TMEM132A: variants seen among roughly 807,000 people sequenced by gnomAD.
TMEM132A encodes transmembrane protein 132A, also known as GRP78-binding protein.
TMEM132A carries 48 observed loss-of-function variants against 69.9 expected under a neutral mutation model. The observed-to-expected ratio is 0.69, with a 90% CI of 0.55 to 0.87. TMEM132A has a LOEUF of 0.87. Among genes scored for constraint, TMEM132A ranks in the 40% least tolerant of loss-of-function variants. The pLI, the probability that TMEM132A is intolerant of heterozygous loss-of-function variation, is 0.00. For missense variants in TMEM132A, 1,287 were observed against 1,407.2 expected, an observed-to-expected ratio of 0.91 and a Z score of 1.37; for synonymous variants, 577 against 613.7, an observed-to-expected ratio of 0.94 and a Z score of 0.88.
In TMEM132A at chr11:60,936,886, G is replaced by A. The variant is rs1459209102; in HGVS notation, c.3051G>A (p.Glu1017=). ...CTGAGGAGCTTCGCAACTACATGGAGAGGATCCGGGGCAGCTCCTGACCCT... is the reference window on the plus strand; with the variant it reads ...CTGAGGAGCTTCGCAACTACATGGAAAGGATCCGGGGCAGCTCCTGACCCT... ...KDPEELRNYM[E]RIRGSS is the part of the protein sequence containing the mutation. The change falls in exon 11 of 11, where the codon GAG becomes GAA. Residue 1017 remains glutamate (E), a synonymous_variant. Coordinates refer to ENST00000453848, the MANE Select transcript of TMEM132A (RefSeq NM_178031.3). The A allele has an allele frequency of 6.4e-7, 1 of 1,564,174 alleles. No individual in the cohort carries two copies. The highest frequency in any genetic ancestry group is 1.4e-5 in the African/African-American group (1 of 73,194).
At position 60,936,467 on chromosome 11, in the gene TMEM132A, A is replaced by G; in HGVS notation, c.2632A>G (p.Lys878Glu). 1 of 1,614,160 alleles carries G rather than the reference A, an allele frequency of 6.2e-7. No individual in the cohort carries two copies. The highest frequency in any genetic ancestry group is 8.5e-7 in the Non-Finnish European group (1 of 1,179,994). The change falls in exon 11 of 11, where the codon AAA becomes GAA. Residue 878 changes from lysine to glutamate, a missense_variant. Lys to Glu is a moderately conservative substitution (Grantham distance 56). Transcript: ENST00000453848. ...GVVFVLRYQR[K>E]EPPDSATDPT... ...GGTCTTCGTCCTGCGCTATCAGCGC[A>G]AAGAACCTCCCGACAGTGCCACTGA...
At chr11:60,933,778 G>A (rs1304396685) in intron 8 of TMEM132A, 34 bp downstream of exon 8, 1 of 1,534,066 alleles carries the variant, frequency 6.5e-7, no homozygotes, top group Non-Finnish European at 8.8e-7. Context: ...GGCAGGCCTT[G>A]GCGAGTCACA....
At chr11:60,929,908 A>G (rs535626634) in intron 4 of TMEM132A, among the ~76,000 whole-genome samples, 1 of 141,172 alleles carries the variant, frequency 7.1e-6, no homozygotes, top group East Asian at 2.1e-4. Context: ...AAGGGGCCCC[A>G]GTGGTAGGGA....
Position 60,928,794 on chromosome 11 carries a change from G to A in TMEM132A, c.700G>A (p.Val234Met). ...CGACCCTGGGGAGCAGGCCCTCCCA[G>A]TGGGGGGTGTGGAGCTGCGCCCAGC... ...ENDPGEQALP[V>M]GGVELRPADP... Residue 234 changes from valine to methionine, a missense_variant, in exon 4 of 11, where the codon GTG (valine) becomes ATG (methionine). Physicochemically the swap from Val to Met is conservative, Grantham distance 21. Transcript: ENST00000453848. 1 of 1,610,734 alleles carries A rather than the reference G, an allele frequency of 6.2e-7. No homozygotes were observed. Among genetic ancestry groups the A allele is most frequent in the Non-Finnish European group, 8.5e-7 (1 of 1,179,258 alleles).
intron 1 of TMEM132A, 27 bp downstream of exon 1, chr11:60,924,760 AG>A: frequency 6.8e-7 from 1 of 1,471,438 alleles, no homozygotes; most frequent in Non-Finnish European, 9.0e-7. Context: ...GGCCGGGGCG[AG>A]GGGCGGCCGG....
At position 60,924,681 on chromosome 11, in the gene TMEM132A, C is replaced by T; in HGVS notation, c.48C>T (p.Pro16=). 1 of 1,592,832 alleles carries T rather than the reference C, an allele frequency of 6.3e-7. No homozygotes were observed. Among genetic ancestry groups the T allele is most frequent in the Non-Finnish European group, 8.5e-7 (1 of 1,176,088 alleles). ...AGRTTAAPRG[P]YGPWLCLLVA... is the part of the protein sequence containing the mutation. ...GCACAACAGCGGCCCCTCGGGGGCC[C>T]TACGGCCCCTGGCTCTGCCTCCTGG... is the stretch of plus-strand genomic sequence containing the variant. Residue 16 remains proline (P), a synonymous_variant, in exon 1 of 11, where the codon CCC becomes CCT. Coordinates refer to ENST00000453848, the MANE Select transcript of TMEM132A (RefSeq NM_178031.3).
chr11:60,934,813 G>A, intron 9 of TMEM132A, 49 bp downstream of exon 9: 1 of 1,532,176 alleles, frequency 6.5e-7, no homozygotes, highest in South Asian at 1.2e-5. Flanking sequence ...AGGGTGGAGG[G>A]GCCCCCAAAA....
Position 60,936,631 on chromosome 11 carries a change from G to A in TMEM132A, c.2796G>A (p.Glu932=). ...SCPCESGGGG[E]APTLAPGPPG... ...CCTGTGAGAGTGGGGGAGGAGGGGA[G>A]GCCCCTACCCTGGCCCCTGGCCCTC... The change falls in exon 11 of 11, where the codon GAG becomes GAA. Residue 932 remains glutamate, a synonymous_variant. Coordinates refer to ENST00000453848, the MANE Select transcript of TMEM132A (RefSeq NM_178031.3). 1 of 1,569,390 alleles carries A rather than the reference G, an allele frequency of 6.4e-7. No homozygotes were observed. Among genetic ancestry groups the A allele is most frequent in the Non-Finnish European group, 8.6e-7 (1 of 1,157,750 alleles).
intron 8 of TMEM132A, chr11:60,934,196 C>T (rs1856540635): frequency 5.1e-6 from 2 of 389,010 alleles, no homozygotes; most frequent in African/African-American, 2.1e-5. Flanking sequence ...GCTTCCAGGC[C>T]CTTCAGAGAG....
rs1416277971 is a variant in TMEM132A, at chr11:60,933,676, G to C, written c.1491G>C (p.Leu497=). The change falls in exon 8 of 11, where the codon CTG becomes CTC. Residue 497 remains leucine (L), a synonymous_variant. Coordinates refer to ENST00000453848, the MANE Select transcript of TMEM132A (RefSeq NM_178031.3). ...CCGTGTGGGCCCCCCTGCTACCGCT[G>C]CGTATCGAGCTCACCGACACCACCC... ...RLTVWAPLLP[L]RIELTDTTLE... 1 of 1,604,844 alleles carries C rather than the reference G, an allele frequency of 6.2e-7. No homozygotes were observed. The highest frequency in any genetic ancestry group is 8.5e-7 in the Non-Finnish European group (1 of 1,178,186).
At chr11:60,926,936 A>T in intron 1 of TMEM132A, 1 of 547,708 alleles carries the variant, frequency 1.8e-6, no homozygotes, top group Non-Finnish European at 3.3e-6. Flanking sequence ...GGCGAGAAGA[A>T]GGCCAAGGTC....
At chr11:60,934,319 C>T in intron 8 of TMEM132A, 169 bp from the exon 9 acceptor site, 1 of 561,374 alleles carries the variant, frequency 1.8e-6, no homozygotes, top group Non-Finnish European at 2.8e-6. Flanking sequence ...GGCTCGCCTG[C>T]AGGTGGAAGG....
rs759123519 is a variant in TMEM132A at position 60,936,011 on chromosome 11, G to A, written c.2176G>A (p.Val726Met). Reference sequence around the variant, plus strand: ...TGAGGAGCAGGGTGCCCAGCTCGGGGTGGTGGTGAGTGGGGCAGGCGCCGA... The same window carrying A: ...TGAGGAGCAGGGTGCCCAGCTCGGGATGGTGGTGAGTGGGGCAGGCGCCGA... ...PAEEQGAQLG[V>M]VVSGAGAEGL... Residue 726 changes from valine to methionine, a missense_variant, in exon 11 of 11, where the codon GTG (valine) becomes ATG (methionine). Coordinates refer to ENST00000453848, the MANE Select transcript of TMEM132A (RefSeq NM_178031.3). 6.2e-7 allele frequency: 1 copy of A among 1,607,230 alleles called. No homozygotes were observed. Among genetic ancestry groups the A allele is most frequent in the Non-Finnish European group, 8.5e-7 (1 of 1,178,860 alleles).
Position 60,932,067 on chromosome 11 carries a change from G to T in TMEM132A, c.1296G>T (p.Gly432=), listed in dbSNP as rs1031003562. ...GCCTTGTCACTGTGGACGGCGGGGG[G>T]GCCTTGGTGGAGGTGACAGAGCATG... The part of the protein sequence containing the change: ...PVRLVTVDGG[G]ALVEVTEHVG... Residue 432 remains glycine, a synonymous_variant, in exon 7 of 11, where the codon GGG becomes GGT. Transcript: ENST00000453848. 1.9e-6 allele frequency: 3 copies of T among 1,585,808 alleles called. No individual in the cohort carries two copies. The African/African-American group carries it at 4.1e-5, about 21-fold the overall frequency.
At chr11:60,928,578 C>A in intron 3 of TMEM132A, 51 bp from the exon 4 acceptor site, 1 of 1,535,710 alleles carries the variant, frequency 6.5e-7, no homozygotes, top group Non-Finnish European at 8.9e-7. Flanking sequence ...GAATCCTGTT[C>A]CTCGCCCTGC....
Position 60,928,829 on chromosome 11 carries a change from G to A in TMEM132A, c.735G>A (p.Pro245=), listed in dbSNP as rs140767642. Reference sequence around the variant, plus strand: ...TGGAGCTGCGCCCAGCAGACCCCCCGCAGTACCAGGAGGTACCTCTGGACG... The same window carrying A: ...TGGAGCTGCGCCCAGCAGACCCCCCACAGTACCAGGAGGTACCTCTGGACG... ...GGVELRPADP[P]QYQEVPLDEA... is the part of the protein sequence containing the mutation. Residue 245 remains proline (P), a synonymous_variant, in exon 4 of 11, where the codon CCG becomes CCA. Transcript: ENST00000453848. 26 of 1,612,230 alleles carry A rather than the reference G, an allele frequency of 1.6e-5. No homozygotes were observed. In the African/African-American group the frequency reaches 2.1e-4, roughly 13 times the overall value.
chr11:60,934,842 AAG>A lies in TMEM132A; in HGVS notation c.1836+81_1836+82del, dbSNP rs1266589480. 3.5e-5 allele frequency: 50 copies of A among 1,438,800 alleles called. No individual in the cohort carries two copies. In the East Asian group the frequency reaches 1.1e-3, roughly 31 times the overall value. The allele number at this position is 1,438,800 out of a possible 1,614,324, so 89.1% of individuals were successfully genotyped here. ...CCCAAAATGTTCGTGGGTGGGAGTG[AAG>A]AGTGTGCCAGGAGCCCAGAGTGTGT... On this transcript the variant is annotated intron_variant, in intron 9 of 10. Transcript: ENST00000453848.
intron 7 of TMEM132A, chr11:60,933,285 G>T: frequency 1.9e-6 from 1 of 518,308 alleles, no homozygotes; most frequent in Non-Finnish European, 3.4e-6. Flanking sequence ...CAGGCTCAAG[G>T]GATCCTCCCA....
chr11:60,934,893 T>C, intron 9 of TMEM132A, 129 bp downstream of exon 9: 1 of 1,008,770 alleles, frequency 9.9e-7, no homozygotes, highest in Non-Finnish European at 1.4e-6. Flanking sequence ...GGTCTAGGTC[T>C]GAGTGCAGTG....
Sources: gnomAD v4.1 joint callset for allele counts (sites outside exome capture counted in the v4.1 genomes callset) on GRCh38, gnomAD v4.1.1 for gene constraint, MANE v1.5 for transcripts, NCBI Gene and HGNC (gene_info 2026-07-23, HGNC 2026-07-21) for gene names.